The following GRIK2 variants were observed in gnomAD, a reference collection of about 807,000 sequenced individuals.
GRIK2 encodes the protein glutamate ionotropic receptor kainate type subunit 2.
Under a neutral mutation model 100.3 loss-of-function variants are expected in GRIK2, and 32 were observed. That is an observed-to-expected ratio of 0.32 (90% CI 0.24 to 0.43). The LOEUF (loss-of-function observed/expected upper bound fraction) is 0.43. GRIK2 is among the 20% of genes least tolerant of loss of function. The probability of loss-of-function intolerance (pLI) is 1.00; values close to 1 mark genes in which losing one functional copy is unlikely to be tolerated. For synonymous variants in GRIK2, 417 were observed against 389.4 expected, an observed-to-expected ratio of 1.07 and a Z score of -0.83; for missense variants, 843 against 1,114.9, an observed-to-expected ratio of 0.76 and a Z score of 3.47.
In GRIK2 at chr6:101,712,985, A is replaced by G. The variant is rs115325377; in HGVS notation, c.951+26632A>G. ...TTGGATTGAGTGTACAGACAAAAAC[A>G]TACCTCAAATATGTTTGGTAAAGAT... On this transcript the variant is annotated intron_variant, in intron 7 of 16. Coordinates refer to ENST00000369134, the MANE Select transcript of GRIK2 (RefSeq NM_021956.5). Among the ~76,000 whole-genome samples the G allele has an allele frequency of 4.6e-3, 704 of 151,944 alleles. 5 individuals are homozygous for G. Among genetic ancestry groups the G allele is most frequent in the African/African-American group, 0.016 (676 of 41,518 alleles).
chr6:101,834,058 G>A (rs952848743), intron 10 of GRIK2, among the ~76,000 whole-genome samples: 64 of 151,894 alleles, frequency 4.2e-4, no homozygotes, highest in African/African-American at 1.5e-3. Context: ...ATGCTTATTG[G>A]CCTTTTCATT....
intron 7 of GRIK2, among the ~76,000 whole-genome samples, chr6:101,743,632 T>C (rs1776187156): frequency 1.3e-5 from 2 of 152,270 alleles, no homozygotes; most frequent in South Asian, 4.2e-4. Context: ...TTGTGTGGTC[T>C]TGTATTCTCC....
rs529301029 is a variant in GRIK2 at position 101,441,453 on chromosome 6, GT to G, written c.115+42067del. On this transcript the variant is annotated intron_variant, in intron 2 of 16. Transcript: ENST00000369134. The stretch of plus-strand genomic sequence containing the variant: ...TTTCATGCATATGGTGAGAGAACAA[GT>G]TTTTTGTTTTTCTTTTATCTTAAAA... 3.9e-5 allele frequency among the ~76,000 whole-genome samples: 6 copies of G among 152,202 alleles called. No individual in the cohort carries two copies. The South Asian group carries it at 8.3e-4, about 21-fold the overall frequency.
At chr6:101,714,810 T>C (rs1773947866) in intron 7 of GRIK2, among the ~76,000 whole-genome samples, 1 of 151,770 alleles carries the variant, frequency 6.6e-6, no homozygotes, top group South Asian at 2.1e-4. Flanking sequence ...TTACTTTGAA[T>C]TTCAAATCAG....
At chr6:101,480,413 T>A (rs1372516537) in intron 2 of GRIK2, among the ~76,000 whole-genome samples, 1 of 152,150 alleles carries the variant, frequency 6.6e-6, no homozygotes, top group East Asian at 1.9e-4. Flanking sequence ...TCTCTCCCTT[T>A]TTCCTCTCTT....
At chr6:101,662,749 C>G (rs1173111980) in intron 4 of GRIK2, among the ~76,000 whole-genome samples, 3 of 152,138 alleles carry the variant, frequency 2.0e-5, no homozygotes, top group Non-Finnish European at 4.4e-5. Flanking sequence ...TTTGGAGATT[C>G]TCACATTATT....
chr6:101,500,174 A>G (rs1466403328), intron 2 of GRIK2, among the ~76,000 whole-genome samples: 5 of 152,146 alleles, frequency 3.3e-5, no homozygotes, highest in Non-Finnish European at 4.4e-5. Flanking sequence ...TTATATCAAA[A>G]TGTCAGTATT....
intron 7 of GRIK2, among the ~76,000 whole-genome samples, chr6:101,711,773 A>G (rs1194058495): frequency 1.3e-5 from 2 of 151,802 alleles, no homozygotes; most frequent in Non-Finnish European, 2.9e-5. Context: ...TATCATAACT[A>G]AAAACATGTA....
chr6:101,775,445 A>G (rs113815149), intron 7 of GRIK2, among the ~76,000 whole-genome samples: 4,583 of 151,838 alleles, frequency 0.03, 233 homozygotes, highest in African/African-American at 0.1. Context: ...TAATTCATCA[A>G]TTTGTCTCTT....
At chr6:101,847,630 G>C (rs1783887298) in intron 10 of GRIK2, among the ~76,000 whole-genome samples, 1 of 151,888 alleles carries the variant, frequency 6.6e-6, no homozygotes, top group Non-Finnish European at 1.5e-5. Flanking sequence ...TTGTATATTG[G>C]GGCACTCCTT....
chr6:101,724,462 T>G (rs534850317), intron 7 of GRIK2, among the ~76,000 whole-genome samples: 9 of 152,082 alleles, frequency 5.9e-5, no homozygotes, highest in African/African-American at 1.4e-4. Flanking sequence ...TTTCTGTTTT[T>G]GAGTAAATTT....
chr6:101,661,477 A>G (rs978398667), intron 4 of GRIK2, among the ~76,000 whole-genome samples: 1 of 151,990 alleles, frequency 6.6e-6, no homozygotes, highest in African/African-American at 2.4e-5. Flanking sequence ...TTGCCAGGGG[A>G]GTGAACGGTT....
chr6:101,761,785 C>CTCCCTCCCTCCA lies in GRIK2; in HGVS notation c.952-37854_952-37853insCCATCCCTCCCT, dbSNP rs1319084709. 2.1e-5 allele frequency among the ~76,000 whole-genome samples: 3 copies of CTCCCTCCCTCCA among 143,998 alleles called. No homozygotes were observed. In the East Asian group the frequency reaches 6.9e-4, roughly 33 times the overall value. 94.5% of individuals were successfully genotyped at this position (143,998 alleles called of 152,430 possible). ...TGCCCCCATTTCCCTCCCTCCCTCCCTCCCTCCCTTCCTTTCTTCCTTCCT... is the reference window on the plus strand; with the variant it reads ...TGCCCCCATTTCCCTCCCTCCCTCCCTCCCTCCCTCCATCCCTCCCTTCCTTTCTTCCTTCCT... On this transcript the variant is annotated intron_variant, in intron 7 of 16. Coordinates refer to ENST00000369134, the MANE Select transcript of GRIK2 (RefSeq NM_021956.5).
chr6:101,440,617 G>C (rs1387306522), intron 2 of GRIK2, among the ~76,000 whole-genome samples: 1 of 152,156 alleles, frequency 6.6e-6, no homozygotes, highest in Non-Finnish European at 1.5e-5. Flanking sequence ...GATAGAACCT[G>C]CACCCATGCA....
intron 2 of GRIK2, among the ~76,000 whole-genome samples, chr6:101,446,487 A>G (rs1770386346): frequency 6.6e-6 from 1 of 151,796 alleles, no homozygotes; most frequent in African/African-American, 2.4e-5. Flanking sequence ...CTTCAGTGAT[A>G]GTTTTTTTAT....
chr6:101,566,135 G>T (rs1777261867), intron 2 of GRIK2, among the ~76,000 whole-genome samples: 1 of 151,634 alleles, frequency 6.6e-6, no homozygotes, highest in Non-Finnish European at 1.5e-5. Flanking sequence ...GGGTGACAGA[G>T]GTGAAAGAAA....
At chr6:101,963,776 T>C (rs1792483911) in intron 14 of GRIK2, among the ~76,000 whole-genome samples, 1 of 152,130 alleles carries the variant, frequency 6.6e-6, no homozygotes, top group Non-Finnish European at 1.5e-5. Context: ...TCATTATATA[T>C]GCTGCAAACC....
intron 2 of GRIK2, among the ~76,000 whole-genome samples, chr6:101,555,463 T>C (rs1451928399): frequency 2.0e-5 from 3 of 152,164 alleles, no homozygotes; most frequent in African/African-American, 7.2e-5. Flanking sequence ...CATATTTGCA[T>C]ATGAAACATG....
chr6:101,984,151 C>G lies in GRIK2; in HGVS notation c.2086-51190C>G, dbSNP rs9498787. 3.4e-3 allele frequency among the ~76,000 whole-genome samples: 520 copies of G among 151,596 alleles called. 2 individuals carry two copies. Among genetic ancestry groups the G allele is most frequent in the African/African-American group, 0.012 (502 of 41,460 alleles). On this transcript the variant is annotated intron_variant, in intron 14 of 16. Transcript: ENST00000369134. The stretch of plus-strand genomic sequence containing the variant: ...AATGGATAAAATAATTAAAAATTCT[C>G]AAAATATTAAATTATTAATTTATGA...
Sources: allele counts gnomAD v4.1 joint callset (sites outside exome capture counted in the v4.1 genomes callset), GRCh38; gene constraint gnomAD v4.1.1; transcripts MANE v1.5; gene names NCBI Gene and HGNC (gene_info 2026-07-23, HGNC 2026-07-21).